Variants in KDM4A observed in about 807,000 individuals in gnomAD.
KDM4A encodes lysine demethylase 4A, also known as lysine-specific demethylase 4A.
KDM4A carries 23 observed loss-of-function variants against 127.1 expected under a neutral mutation model. The observed-to-expected ratio is 0.18, with a 90% CI of 0.13 to 0.26. KDM4A has a LOEUF of 0.26. Ranked by LOEUF, KDM4A falls within the 10% of genes least tolerant of loss-of-function variation. The pLI is 1.00. For missense variants in KDM4A, 890 were observed against 1,329.1 expected (o/e 0.67, Z 5.14); for synonymous variants, 443 against 466.5 (o/e 0.95, Z 0.65).
At position 43,704,094 on chromosome 1, in the gene KDM4A, G is replaced by C; in HGVS notation, c.3036G>C (p.Lys1012Asn). 5 of 1,614,144 alleles carry C rather than the reference G, an allele frequency of 3.1e-6. No homozygotes were observed. The highest frequency in any genetic ancestry group is 4.2e-6 in the Non-Finnish European group (5 of 1,180,008). The part of the protein sequence containing the change: ...DVYTLDEELP[K>N]RVKSRLSVAS... ...ACACACTGGATGAAGAGCTTCCCAA[G>C]AGAGTCAAATCTAGACTGGTGAGTA... Residue 1012 changes from lysine to asparagine, a missense_variant, in exon 21 of 22, where the codon AAG becomes AAC. This residue lies in a region of KDM4A where 246 missense variants were observed against 418.4 expected (regional missense o/e 0.59). Coordinates refer to ENST00000372396, the MANE Select transcript of KDM4A (RefSeq NM_014663.3).
intron 11 of KDM4A, among the ~76,000 whole-genome samples, chr1:43,677,213 C>T (rs1003592370): frequency 4.6e-5 from 7 of 152,032 alleles, no homozygotes; most frequent in South Asian, 4.2e-4. Flanking sequence ...GGCGTGTTGG[C>T]GGGTGCCTGT....
Position 43,689,085 on chromosome 1 carries a change from C to T in KDM4A, c.2027C>T (p.Thr676Ile), listed in dbSNP as rs199832618. 6.2e-7 allele frequency: 1 copy of T among 1,614,074 alleles called. No homozygotes were observed. The highest frequency in any genetic ancestry group is 2.2e-5 in the East Asian group (1 of 44,884). The stretch of plus-strand genomic sequence containing the variant: ...TGCGCTGTCTGTATGATCTTCCAGA[C>T]TTATCATCAGGTAACCCAGCTCCAT... The part of the protein sequence containing the change: ...PHCAVCMIFQ[T>I]YHQVEFGGFN... The change falls in exon 13 of 22, where the codon ACT (threonine) becomes ATT (isoleucine). Residue 676 changes from threonine to isoleucine, a missense_variant. Thr to Ile is a moderately conservative substitution (Grantham distance 89). Transcript: ENST00000372396.
chr1:43,669,266 G>T lies in KDM4A; in HGVS notation c.1330G>T (p.Val444Leu). The change falls in exon 10 of 22, where the codon GTG (valine) becomes TTG (leucine). Residue 444 changes from valine to leucine, a missense_variant. This residue lies in a region of KDM4A where 389 missense variants were observed against 485.9 expected (regional missense o/e 0.80). Coordinates refer to ENST00000372396, the MANE Select transcript of KDM4A (RefSeq NM_014663.3). ...LAPVRPTHSS[V>L]RQVEDGLTFP... is the part of the protein sequence containing the mutation. ...CCCTGTGAGGCCCACCCATAGCTCT[G>T]TGCGGCAAGTTGAGGATGGTCTTAC... 6.2e-7 allele frequency: 1 copy of T among 1,614,212 alleles called. No individual in the cohort carries two copies. The highest frequency in any genetic ancestry group is 8.5e-7 in the Non-Finnish European group (1 of 1,180,046).
At chr1:43,670,474 C>A (rs1314127031) in intron 10 of KDM4A, among the ~76,000 whole-genome samples, 1 of 152,044 alleles carries the variant, frequency 6.6e-6, no homozygotes, top group Non-Finnish European at 1.5e-5. Flanking sequence ...CTCACTGCAG[C>A]CTCAACTTTC....
Position 43,667,754 on chromosome 1 carries a change from TC to T in KDM4A, c.916-17del. On this transcript the variant is annotated splice_polypyrimidine_tract_variant and intron_variant, in intron 8 of 21. Transcript: ENST00000372396. ...GCAAGGTATGCTCACCTGGTGCTCT[TC>T]TGGTTCCTGCTGACAGTGCTCCTGT... is the stretch of plus-strand genomic sequence containing the variant. 6.2e-7 allele frequency: 1 copy of T among 1,614,086 alleles called. No homozygotes were observed.
Position 43,694,007 on chromosome 1 carries a change from T to C in KDM4A, c.2389T>C (p.Ser797Pro). The change falls in exon 17 of 22, where the codon TCA becomes CCA. Residue 797 changes from serine (S) to proline (P), a missense_variant. Coordinates refer to ENST00000372396, the MANE Select transcript of KDM4A (RefSeq NM_014663.3). The surrounding 1 kb of genome is among the most constrained non-coding windows in gnomAD (Gnocchi z 5.2). ...GCCTTTTGGCAGGTGGGTCCACGTTTCATGTGCTGTGGCAATTCTGGAAGC... is the reference window on the plus strand; with the variant it reads ...GCCTTTTGGCAGGTGGGTCCACGTTCCATGTGCTGTGGCAATTCTGGAAGC... ...RANDDRWVHV[S>P]CAVAILEARF... The C allele has an allele frequency of 1.9e-6, 3 of 1,614,240 alleles. No individual in the cohort carries two copies. The highest frequency in any genetic ancestry group is 2.5e-6 in the Non-Finnish European group (3 of 1,180,032).
In KDM4A at chr1:43,688,234, A is replaced by G. The variant is rs1021004526; in HGVS notation, c.1856-680A>G. Among the ~76,000 whole-genome samples, 14 of 152,120 alleles carry G rather than the reference A, an allele frequency of 9.2e-5. No individual in the cohort carries two copies. Among genetic ancestry groups the G allele is most frequent in the Admixed American group, 7.9e-4 (12 of 15,276 alleles). On this transcript the variant is annotated intron_variant, in intron 12 of 21. Transcript: ENST00000372396. The surrounding 1 kb of genome is among the most constrained non-coding windows in gnomAD (Gnocchi z 4.4). ...ACCCCATCATAAAAATGTAAAAACA[A>G]TTCTTAGCTTCCTCAGTGGGCTGGA...
intron 2 of KDM4A, among the ~76,000 whole-genome samples, chr1:43,654,935 T>A (rs1402286133): frequency 6.6e-6 from 1 of 152,040 alleles, no homozygotes; most frequent in Non-Finnish European, 1.5e-5. Context: ...CACTGCAACC[T>A]CTGCCTCCGG....
intron 16 of KDM4A, among the ~76,000 whole-genome samples, chr1:43,692,870 T>C (rs1661150368): frequency 6.6e-6 from 1 of 152,140 alleles, no homozygotes; most frequent in Admixed American, 6.5e-5. Context: ...GTGCTTAGGC[T>C]TGTGTTTGGT....
intron 1 of KDM4A, among the ~76,000 whole-genome samples, chr1:43,651,979 G>A (rs973219810): frequency 2.0e-5 from 3 of 152,244 alleles, no homozygotes; most frequent in Non-Finnish European, 2.9e-5. Flanking sequence ...CAACAGAACA[G>A]TTTCACTTTA....
intron 11 of KDM4A, among the ~76,000 whole-genome samples, chr1:43,673,460 T>C (rs979738147): frequency 6.6e-6 from 1 of 152,204 alleles, no homozygotes. Context: ...CACTCAGTCA[T>C]ATTCACATTT....
intron 18 of KDM4A, among the ~76,000 whole-genome samples, chr1:43,696,892 G>A (rs1360568065): frequency 6.7e-6 from 1 of 149,514 alleles, no homozygotes; most frequent in Non-Finnish European, 1.5e-5. Context: ...TTAGGTGCCA[G>A]GACTATACCA....
Position 43,671,749 on chromosome 1 carries a change from A to C in KDM4A, c.1608A>C (p.Gln536His), listed in dbSNP as rs142569925. The C allele has an allele frequency of 1.2e-6, 2 of 1,613,852 alleles. No individual in the cohort carries two copies. The highest frequency in any genetic ancestry group is 1.7e-6 in the Non-Finnish European group (2 of 1,179,918). ...GTGAGCCTCTCTCCTGCCGAGCCCA[A>C]GGGCAAACGGGAGTTCTCACTGTGC... ...ETSEPLSCRA[Q>H]GQTGVLTVHS... is the part of the protein sequence containing the mutation. Residue 536 changes from glutamine (Q) to histidine (H), a missense_variant, in exon 11 of 22, where the codon CAA becomes CAC. Physicochemically the swap from Gln to His is conservative, Grantham distance 24. Around this residue, in one of 7 missense-constraint regions of KDM4A, gnomAD observed 389 missense variants for 485.9 expected, o/e 0.80. Coordinates refer to ENST00000372396, the MANE Select transcript of KDM4A (RefSeq NM_014663.3).
At chr1:43,682,516 C>A (rs1157255303) in intron 11 of KDM4A, among the ~76,000 whole-genome samples, 1 of 152,222 alleles carries the variant, frequency 6.6e-6, no homozygotes, top group Non-Finnish European at 1.5e-5. Flanking sequence ...ACTGCTGCAG[C>A]ATCCTTACTC....
At chr1:43,659,037 C>T (rs1233968320) in intron 3 of KDM4A, among the ~76,000 whole-genome samples, 1 of 151,752 alleles carries the variant, frequency 6.6e-6, no homozygotes, top group Non-Finnish European at 1.5e-5. Flanking sequence ...TGGCTAACTT[C>T]TATAATCCCA....
Position 43,694,117 on chromosome 1 carries a change from ACT to A in KDM4A, c.2484+18_2484+19del, listed in dbSNP as rs533599784. On this transcript the variant is annotated intron_variant, in intron 17 of 21. Transcript: ENST00000372396. The surrounding 1 kb of genome is among the most constrained non-coding windows in gnomAD (Gnocchi z 5.2). ...GCTTCAAACTGGTAAGGGCTTGTAG[ACT>A]CTACATAATTTCCCGACTTACAAGT... is the stretch of plus-strand genomic sequence containing the variant. 2.0e-3 allele frequency: 3,215 copies of A among 1,591,020 alleles called. 5 individuals carry two copies. The highest frequency in any genetic ancestry group is 2.6e-3 in the Non-Finnish European group (3,047 of 1,159,658).
At chr1:43,662,115 A>T (rs1660396502) in intron 4 of KDM4A, among the ~76,000 whole-genome samples, 1 of 151,912 alleles carries the variant, frequency 6.6e-6, no homozygotes, top group Non-Finnish European at 1.5e-5. Context: ...GTTGCCCAGG[A>T]TGGTCTTGAA....
intron 19 of KDM4A, among the ~76,000 whole-genome samples, chr1:43,701,261 C>A (rs1033564682): frequency 3.3e-5 from 5 of 152,116 alleles, no homozygotes; most frequent in African/African-American, 7.2e-5. Flanking sequence ...CACTAATAAT[C>A]AAAAAACTTG....
At chr1:43,651,921 G>C (rs187297744) in intron 1 of KDM4A, among the ~76,000 whole-genome samples, 7 of 152,326 alleles carry the variant, frequency 4.6e-5, no homozygotes, top group African/African-American at 1.7e-4. Flanking sequence ...AACTGAACTT[G>C]TCTGTAGCTT....
Sources: allele counts gnomAD v4.1 joint callset (sites outside exome capture counted in the v4.1 genomes callset), GRCh38; gene constraint gnomAD v4.1.1; regional missense constraint gnomAD v4.1.1; non-coding constraint Gnocchi (gnomAD v3.1); transcripts MANE v1.5; gene names NCBI Gene and HGNC (gene_info 2026-07-23, HGNC 2026-07-21).